BCO2: variants seen among roughly 807,000 people sequenced by gnomAD.
BCO2 encodes beta-carotene oxygenase 2, also known as carotenoid-cleaving dioxygenase, mitochondrial.
A neutral mutation model predicts 65.8 loss-of-function variants in BCO2; 56 were observed. That is an observed-to-expected ratio of 0.85 (90% CI 0.69 to 1.06). BCO2 has a LOEUF of 1.06. Ranked by LOEUF, BCO2 falls within the 50% of genes least tolerant of loss-of-function variation. BCO2 has a pLI of 0.00. For synonymous variants in BCO2, 233 were observed against 242.3 expected, an observed-to-expected ratio of 0.96 and a Z score of 0.36; for missense variants, 675 against 698.5, an observed-to-expected ratio of 0.97 and a Z score of 0.38.
intron 8 of BCO2, among the ~76,000 whole-genome samples, chr11:112,205,413 C>T (rs1254480055): frequency 1.3e-5 from 2 of 152,206 alleles, no homozygotes; most frequent in East Asian, 3.9e-4. Context: ...TGATGTTGAG[C>T]ACCTTTTTAT....
At chr11:112,210,952 T>C (rs1859492303) in intron 8 of BCO2, among the ~76,000 whole-genome samples, 1 of 152,172 alleles carries the variant, frequency 6.6e-6, no homozygotes, top group African/African-American at 2.4e-5. Flanking sequence ...AGTATATATA[T>C]ATAACATTAA....
chr11:112,201,927 T>C, intron 7 of BCO2, 96 bp from the exon 8 acceptor site: 6 of 1,072,454 alleles, frequency 5.6e-6, no homozygotes, highest in Non-Finnish European at 7.9e-6. Context: ...TTTCTAATTT[T>C]CTTATTTTGA....
chr11:112,179,546 A>G, intron 2 of BCO2, 64 bp downstream of exon 2: 1 of 1,355,076 alleles, frequency 7.4e-7, no homozygotes, highest in Non-Finnish European at 1.1e-6. Flanking sequence ...TGGAATATGC[A>G]TTAATATCTG....
chr11:112,184,850 G>A (rs1867159287), intron 2 of BCO2, among the ~76,000 whole-genome samples: 1 of 152,090 alleles, frequency 6.6e-6, no homozygotes, highest in Non-Finnish European at 1.5e-5. Flanking sequence ...GAATTCTACA[G>A]ACTCATCAAC....
intron 2 of BCO2, chr11:112,181,568 T>C (rs1867051814): frequency 1.3e-6 from 1 of 752,498 alleles, no homozygotes; most frequent in Non-Finnish European, 2.5e-6. Context: ...AATGATAGCA[T>C]TAATTTATTA....
intron 2 of BCO2, among the ~76,000 whole-genome samples, chr11:112,188,973 TGTAA>T (rs1867289629): frequency 6.6e-6 from 1 of 152,296 alleles, no homozygotes; most frequent in African/African-American, 2.4e-5. Context: ...TTGAAATTAT[TGTAA>T]GTTTTTTTGA....
At chr11:112,207,496 T>G (rs575121327) in intron 8 of BCO2, among the ~76,000 whole-genome samples, 2 of 152,364 alleles carry the variant, frequency 1.3e-5, no homozygotes, top group Non-Finnish European at 2.9e-5. Context: ...TATGCATTAT[T>G]CTGTTTCTGG....
rs374842834 is a variant in BCO2, at chr11:112,181,496, A to C, written c.293+2014A>C. 10 of 717,682 alleles carry C rather than the reference A, an allele frequency of 1.4e-5. No individual in the cohort carries two copies. The African/African-American group carries it at 1.7e-4, about 12-fold the overall frequency. The allele number at this position is 717,682 out of a possible 1,614,324, so 44.5% of individuals were successfully genotyped here. A position where few individuals can be genotyped will look rare whatever the true frequency, so the allele number is the denominator to read the frequency against. ...GCGCCCGGCCGAGCTTTCTTAATTGACCGAAGTCCTGAGTACTTTGAACCC... is the reference window on the plus strand; with the variant it reads ...GCGCCCGGCCGAGCTTTCTTAATTGCCCGAAGTCCTGAGTACTTTGAACCC... On this transcript the variant is annotated intron_variant, in intron 2 of 11. Transcript: ENST00000357685.
At chr11:112,206,372 G>A (rs2135387252) in intron 8 of BCO2, among the ~76,000 whole-genome samples, 1 of 152,260 alleles carries the variant, frequency 6.6e-6, no homozygotes, top group African/African-American at 2.4e-5. Flanking sequence ...CCGGGCAGAG[G>A]CGCTCCTCAC....
At chr11:112,204,043 C>A (rs1867805763) in intron 8 of BCO2, among the ~76,000 whole-genome samples, 1 of 151,896 alleles carries the variant, frequency 6.6e-6, no homozygotes, top group Non-Finnish European at 1.5e-5. Flanking sequence ...TAGTAGAGAC[C>A]AGGTTTCACC....
At chr11:112,194,445 A>G (rs1867500857) in intron 4 of BCO2, 2 of 503,308 alleles carry the variant, frequency 4.0e-6, no homozygotes, top group Admixed American at 7.9e-5. Context: ...TTTTGTTGTT[A>G]GTAGTGGTGA....
chr11:112,195,599 T>A (rs1867549358), intron 5 of BCO2, among the ~76,000 whole-genome samples: 1 of 152,092 alleles, frequency 6.6e-6, no homozygotes, highest in Admixed American at 6.5e-5. Context: ...CTTGCCACCA[T>A]GCCCGGCTAA....
rs71060229 is a variant in BCO2 at position 112,192,925 on chromosome 11, G to GTTTTTTTTTTTTTTTTTTTTTTT, written c.294-531_294-530insTTTTTTTTTTTTTTTTTTTTTTT. ...CAATAGGGGTTTTCTAAAATGTGAG[G>GTTTTTTTTTTTTTTTTTTTTTTT]TTTTTTTTTTTTTTTTTTGACAGGG... On this transcript the variant is annotated intron_variant, in intron 2 of 11. Transcript: ENST00000357685. Among the ~76,000 whole-genome samples the GTTTTTTTTTTTTTTTTTTTTTTT allele has an allele frequency of 8.2e-5, 3 of 36,658 alleles. 1 individual carries two copies. Among genetic ancestry groups the GTTTTTTTTTTTTTTTTTTTTTTT allele is most frequent in the African/African-American group, 3.1e-4 (3 of 9,530 alleles). The allele number at this position is 36,658 out of a possible 152,430, so 24.0% of individuals were successfully genotyped here. A position where few individuals can be genotyped will look rare whatever the true frequency, so the allele number is the denominator to read the frequency against.
chr11:112,191,403 A>G (rs1203875214), intron 2 of BCO2, among the ~76,000 whole-genome samples: 5 of 152,302 alleles, frequency 3.3e-5, no homozygotes, highest in Admixed American at 2.0e-4. Flanking sequence ...TACAATTGCA[A>G]CAAAGAAGAT....
At chr11:112,212,695 C>A (rs1380778458) in intron 8 of BCO2, among the ~76,000 whole-genome samples, 3 of 152,126 alleles carry the variant, frequency 2.0e-5, no homozygotes, top group Non-Finnish European at 4.4e-5. Context: ...GCCAAAGAAA[C>A]CCACCCAAGC....
intron 5 of BCO2, among the ~76,000 whole-genome samples, chr11:112,197,857 A>C (rs921648977): frequency 5.3e-5 from 8 of 152,130 alleles, no homozygotes; most frequent in African/African-American, 1.9e-4. Context: ...GCTGATACTT[A>C]AACACTCCAA....
intron 6 of BCO2, 105 bp from the exon 7 acceptor site, chr11:112,200,508 C>T: frequency 2.1e-6 from 2 of 948,410 alleles, no homozygotes; most frequent in South Asian, 3.5e-5. Flanking sequence ...TTGTTTAGGG[C>T]ATCAGTAACG....
chr11:112,204,367 C>T (rs187806254), intron 8 of BCO2, among the ~76,000 whole-genome samples: 17 of 152,198 alleles, frequency 1.1e-4, no homozygotes, highest in Admixed American at 3.9e-4. Flanking sequence ...CTACAATGAA[C>T]GTAAGAATGC....
In BCO2 at chr11:112,193,513, G is replaced by T; in HGVS notation, c.333G>T (p.Gln111His). 1 of 1,614,138 alleles carries T rather than the reference G, an allele frequency of 6.2e-7. No individual in the cohort carries two copies. ...TTGATGGGATGGCGCTGCTTCACCA[G>T]TTCAGAATGGCAAAGGGCACAGTGA... ...HWFDGMALLH[Q>H]FRMAKGTVTY... The change falls in exon 3 of 12, where the codon CAG (glutamine) becomes CAT (histidine). Residue 111 changes from glutamine (Q) to histidine (H), a missense_variant. By Grantham distance (24) the Gln-to-His change is conservative. Coordinates refer to ENST00000357685, the MANE Select transcript of BCO2 (RefSeq NM_031938.7).
Sources: allele counts gnomAD v4.1 joint callset (sites outside exome capture counted in the v4.1 genomes callset), GRCh38; gene constraint gnomAD v4.1.1; transcripts MANE v1.5; gene names NCBI Gene and HGNC (gene_info 2026-07-23, HGNC 2026-07-21).